The following ANKRD12 variants were observed in gnomAD, a reference collection of about 807,000 sequenced individuals.
ANKRD12 encodes ankyrin repeat domain-containing protein 12.
In ANKRD12, 85 loss-of-function variants were observed where a neutral mutation model predicts 183.4. The observed-to-expected ratio is 0.46, with a 90% CI of 0.39 to 0.56. The LOEUF (loss-of-function observed/expected upper bound fraction) is 0.56. Among genes scored for constraint, ANKRD12 ranks in the 20% least tolerant of loss-of-function variants. ANKRD12 has a pLI of 0.00. For synonymous variants in ANKRD12, 914 were observed against 800.2 expected (o/e 1.14, Z -2.40); for missense variants, 2,405 against 2,357.1 (o/e 1.02, Z -0.42).
At chr18:9,175,642 C>T (rs2033204451) in intron 1 of ANKRD12, among the ~76,000 whole-genome samples, 1 of 143,254 alleles carries the variant, frequency 7.0e-6, no homozygotes, top group African/African-American at 2.6e-5. Context: ...GTTCTCAAGC[C>T]TTAGCCTCTT....
intron 1 of ANKRD12, among the ~76,000 whole-genome samples, chr18:9,137,309 C>CGGGGG (rs1008681595): frequency 6.8e-6 from 1 of 146,276 alleles, no homozygotes; most frequent in African/African-American, 2.5e-5. Context: ...CGGGGCGGGG[C>CGGGGG]GGGGGCCGGG....
At position 9,282,432 on chromosome 18, in the gene ANKRD12, T is replaced by C. The variant is rs2040134164; in HGVS notation, c.*1306T>C. 6.6e-6 allele frequency: 1 copy of C among 152,570 alleles called. No homozygotes were observed. The highest frequency in any genetic ancestry group is 6.5e-5 in the Admixed American group (1 of 15,278). The allele number at this position is 152,570 out of a possible 1,614,324, so 9.5% of individuals were successfully genotyped here. A position where few individuals can be genotyped will look rare whatever the true frequency, so the allele number is the denominator to read the frequency against. ...CAAAATTTTATAATTGAAATAAAAC[T>C]TGGTATGCTGTTTTATAATAAATTA... On this transcript the variant is annotated 3_prime_UTR_variant, in exon 13 of 13. Transcript: ENST00000262126.
chr18:9,239,756 TA>T (rs1373796855), intron 8 of ANKRD12, among the ~76,000 whole-genome samples: 1 of 152,224 alleles, frequency 6.6e-6, no homozygotes, highest in Admixed American at 6.5e-5. Flanking sequence ...CATTATCTAA[TA>T]ATATAGCACA....
chr18:9,258,488 AAT>A lies in ANKRD12; in HGVS notation c.5223_5224del (p.Thr1742AsnfsTer11). ...IPQRMTRNKANTMANQSKQIL... is the reference protein window; with the variant it reads ...IPQRMTRNKAXTMANQSKQIL... ...TCAAAGAATGACTAGAAACAAAGCA[AAT>A]ACAATGGCAAATCAAAGCAAACAGA... On this transcript the variant is annotated frameshift_variant, in exon 9 of 13. Coordinates refer to ENST00000262126, the MANE Select transcript of ANKRD12 (RefSeq NM_015208.5). LOFTEE classifies it high-confidence loss of function. The A allele has an allele frequency of 6.2e-7, 1 of 1,613,800 alleles. No homozygotes were observed. Among genetic ancestry groups the A allele is most frequent in the Non-Finnish European group, 8.5e-7 (1 of 1,179,938 alleles).
chr18:9,276,541 C>T (rs1051589377), intron 11 of ANKRD12, among the ~76,000 whole-genome samples: 17 of 151,788 alleles, frequency 1.1e-4, no homozygotes, highest in African/African-American at 3.9e-4. Flanking sequence ...TGGTGAAACC[C>T]CGTCTTTACA....
intron 8 of ANKRD12, among the ~76,000 whole-genome samples, chr18:9,245,549 T>A (rs1277599079): frequency 1.3e-5 from 2 of 152,178 alleles, no homozygotes; most frequent in African/African-American, 4.8e-5. Context: ...ATATTAATAG[T>A]TTATAGGTAA....
intron 1 of ANKRD12, among the ~76,000 whole-genome samples, chr18:9,156,506 A>G (rs553689847): frequency 2.0e-5 from 3 of 152,268 alleles, no homozygotes; most frequent in African/African-American, 7.2e-5. Flanking sequence ...AAAAATAAAA[A>G]TTGGCATTAT....
chr18:9,226,725 A>G (rs1435972899), intron 8 of ANKRD12, among the ~76,000 whole-genome samples: 3 of 152,132 alleles, frequency 2.0e-5, no homozygotes, highest in African/African-American at 4.8e-5. Flanking sequence ...GGAAGGAGAT[A>G]TGGCCATATC....
chr18:9,165,665 C>A lies in ANKRD12; in HGVS notation c.-51-16717C>A, dbSNP rs529327766. ...ATAATGTCTTCAGTGTTCTTCCATGCTGTACATGACATGTGTCAGAATTTC... is the reference window on the plus strand; with the variant it reads ...ATAATGTCTTCAGTGTTCTTCCATGATGTACATGACATGTGTCAGAATTTC... On this transcript the variant is annotated intron_variant, in intron 1 of 12. Coordinates refer to ENST00000262126, the MANE Select transcript of ANKRD12 (RefSeq NM_015208.5). Among the ~76,000 whole-genome samples the A allele has an allele frequency of 2.3e-3, 354 of 152,116 alleles. 2 individuals carry two copies. The highest frequency in any genetic ancestry group is 8.2e-3 in the African/African-American group (340 of 41,510).
intron 10 of ANKRD12, among the ~76,000 whole-genome samples, chr18:9,266,318 A>G (rs2039289616): frequency 6.6e-6 from 1 of 152,208 alleles, no homozygotes. Flanking sequence ...TAATTGTCAG[A>G]TTCACCAAAG....
intron 3 of ANKRD12, among the ~76,000 whole-genome samples, chr18:9,199,857 A>G (rs987364190): frequency 7.2e-5 from 11 of 152,110 alleles, no homozygotes; most frequent in Non-Finnish European, 1.3e-4. Context: ...ATGTGTTTAG[A>G]GGGATGCTGG....
chr18:9,141,107 G>A (rs1040322274), intron 1 of ANKRD12, among the ~76,000 whole-genome samples: 2 of 151,750 alleles, frequency 1.3e-5, no homozygotes, highest in African/African-American at 4.8e-5. Context: ...ATGTTTGGGG[G>A]CCAGCTATTC....
At chr18:9,266,563 T>A (rs1236532170) in intron 10 of ANKRD12, among the ~76,000 whole-genome samples, 3 of 152,108 alleles carry the variant, frequency 2.0e-5, no homozygotes, top group African/African-American at 7.2e-5. Context: ...GACAAGCAAA[T>A]GCTGAGAGAT....
rs1287728158 is a variant in ANKRD12 at position 9,221,846 on chromosome 18, T to C, written c.796-6T>C. The stretch of plus-strand genomic sequence containing the variant: ...GACTAAGTCTTCCTGCTTTTTATTG[T>C]TGCAGATAGTAAAGCTGTTACTTCG... On this transcript the variant is annotated splice_region_variant and splice_polypyrimidine_tract_variant and intron_variant, in intron 7 of 12. Coordinates refer to ENST00000262126, the MANE Select transcript of ANKRD12 (RefSeq NM_015208.5). The C allele has an allele frequency of 1.2e-6, 2 of 1,613,656 alleles. No homozygotes were observed. Among genetic ancestry groups the C allele is most frequent in the Non-Finnish European group, 1.7e-6 (2 of 1,179,728 alleles).
chr18:9,209,737 A>G (rs1406541345), intron 5 of ANKRD12, among the ~76,000 whole-genome samples: 1 of 152,190 alleles, frequency 6.6e-6, no homozygotes, highest in Non-Finnish European at 1.5e-5. Flanking sequence ...GCCATGTAAA[A>G]ACTTTGACTG....
At chr18:9,159,839 C>T (rs1177864589) in intron 1 of ANKRD12, among the ~76,000 whole-genome samples, 1 of 151,470 alleles carries the variant, frequency 6.6e-6, no homozygotes, top group Non-Finnish European at 1.5e-5. Flanking sequence ...GAGTCTTGCT[C>T]TGTCACCCAG....
At chr18:9,161,431 A>G (rs951408527) in intron 1 of ANKRD12, among the ~76,000 whole-genome samples, 8 of 151,466 alleles carry the variant, frequency 5.3e-5, no homozygotes, top group African/African-American at 1.9e-4. Flanking sequence ...GCTGGAGTGC[A>G]GTGGCGCGAT....
intron 10 of ANKRD12, among the ~76,000 whole-genome samples, chr18:9,268,109 A>G (rs1228427630): frequency 6.6e-6 from 1 of 152,228 alleles, no homozygotes; most frequent in East Asian, 1.9e-4. Context: ...CAGGCTCTGA[A>G]ATTGAGGCAA....
chr18:9,233,575 G>A (rs918416355), intron 8 of ANKRD12, among the ~76,000 whole-genome samples: 1 of 152,154 alleles, frequency 6.6e-6, no homozygotes, highest in East Asian at 1.9e-4. Flanking sequence ...ATAGGGGAGA[G>A]CTTCTTCCCA....
Sources: allele counts gnomAD v4.1 joint callset (sites outside exome capture counted in the v4.1 genomes callset), GRCh38; gene constraint gnomAD v4.1.1; transcripts MANE v1.5; gene names NCBI Gene and HGNC (gene_info 2026-07-23, HGNC 2026-07-21).